CDH8: variants seen among roughly 807,000 people sequenced by gnomAD.
CDH8 encodes cadherin 8.
A neutral mutation model predicts 68.1 loss-of-function variants in CDH8; 17 were observed. The observed-to-expected ratio is 0.25, with a 90% CI of 0.17 to 0.37. The LOEUF is 0.37. CDH8 is among the 10% of genes least tolerant of loss of function. The pLI, the probability that CDH8 is intolerant of heterozygous loss-of-function variation, is 1.00. For missense variants in CDH8, 763 were observed against 999.3 expected, an observed-to-expected ratio of 0.76 and a Z score of 3.19; for synonymous variants, 372 against 365.1, an observed-to-expected ratio of 1.02 and a Z score of -0.21.
intron 8 of CDH8, among the ~76,000 whole-genome samples, chr16:61,767,035 T>C (rs1019484329): frequency 6.6e-6 from 1 of 152,104 alleles, no homozygotes; most frequent in African/African-American, 2.4e-5. Flanking sequence ...ATCAGACATC[T>C]TGCTCTCTTG....
At chr16:61,743,771 C>G (rs1959941491) in intron 8 of CDH8, among the ~76,000 whole-genome samples, 1 of 152,068 alleles carries the variant, frequency 6.6e-6, no homozygotes, top group Non-Finnish European at 1.5e-5. Context: ...TTCTTCTTTT[C>G]TAATGTAGAC....
intron 2 of CDH8, among the ~76,000 whole-genome samples, chr16:62,007,601 C>CA (rs80354314): frequency 0.5 from 76,390 of 151,698 alleles, 20,544 homozygotes; most frequent in East Asian, 0.73. Context: ...AAAGCAAAAA[C>CA]AAAAAAAATC....
chr16:61,664,700 C>A (rs1462996408), intron 10 of CDH8, among the ~76,000 whole-genome samples: 1 of 149,166 alleles, frequency 6.7e-6, no homozygotes, highest in African/African-American at 2.5e-5. Context: ...TAGAAAGAGG[C>A]TTTAGAGAGG....
chr16:61,808,494 G>C (rs9924129), intron 7 of CDH8, among the ~76,000 whole-genome samples: 2,157 of 152,320 alleles, frequency 0.014, 71 homozygotes, highest in African/African-American at 0.049. Context: ...GGCTGAGGAA[G>C]CCAGCTTTTT....
intron 9 of CDH8, among the ~76,000 whole-genome samples, chr16:61,717,773 T>A (rs1006813659): frequency 6.6e-6 from 1 of 151,450 alleles, no homozygotes; most frequent in African/African-American, 2.4e-5. Flanking sequence ...GAATAACATG[T>A]GGCACATGGC....
chr16:62,002,726 A>T (rs2150597826), intron 2 of CDH8, among the ~76,000 whole-genome samples: 1 of 152,342 alleles, frequency 6.6e-6, no homozygotes, highest in East Asian at 1.9e-4. Flanking sequence ...TTTACAATTT[A>T]TCTTAGGTAA....
intron 8 of CDH8, among the ~76,000 whole-genome samples, chr16:61,762,363 CT>C (rs1232546852): frequency 6.6e-6 from 1 of 152,142 alleles, no homozygotes; most frequent in African/African-American, 2.4e-5. Context: ...AATAGAGTCT[CT>C]CTGTATTATT....
At chr16:61,841,013 A>C in intron 4 of CDH8, among the ~76,000 whole-genome samples, 1 of 152,174 alleles carries the variant, frequency 6.6e-6, no homozygotes, top group East Asian at 1.9e-4. Context: ...ATAAAATAAA[A>C]TAATGTAGTC....
chr16:62,009,953 A>T lies in CDH8; in HGVS notation c.252+11199T>A, dbSNP rs573673347. Among the ~76,000 whole-genome samples the T allele has an allele frequency of 3.9e-5, 6 of 152,316 alleles. No individual in the cohort carries two copies. The South Asian group carries it at 1.2e-3, about 32-fold the overall frequency. ...AATATATTTTTAAAATGAGAAAGCA[A>T]AACATCAAGATACTAGGCTAACCCC... On this transcript the variant is annotated intron_variant, in intron 2 of 11. Coordinates refer to ENST00000577390, the MANE Select transcript of CDH8 (RefSeq NM_001796.5).
chr16:61,823,281 T>C (rs1056592968), intron 5 of CDH8, among the ~76,000 whole-genome samples: 1 of 151,812 alleles, frequency 6.6e-6, no homozygotes, highest in Non-Finnish European at 1.5e-5. Context: ...TCTCTCTTTG[T>C]CACTCTCTCC....
chr16:62,015,217 G>T (rs907756866), intron 2 of CDH8, among the ~76,000 whole-genome samples: 3 of 152,074 alleles, frequency 2.0e-5, no homozygotes, highest in Admixed American at 1.3e-4. Context: ...TTTCCCTCAG[G>T]CTATGTGTGT....
chr16:61,979,365 TA>T (rs1415721775), intron 2 of CDH8, among the ~76,000 whole-genome samples: 2 of 152,106 alleles, frequency 1.3e-5, no homozygotes, highest in South Asian at 4.1e-4. Flanking sequence ...ATTAATAAAA[TA>T]AAAAACTTTT....
chr16:61,845,619 G>A (rs1275736431), intron 4 of CDH8, among the ~76,000 whole-genome samples: 2 of 151,176 alleles, frequency 1.3e-5, no homozygotes, highest in African/African-American at 4.9e-5. Flanking sequence ...CCAAATTTCT[G>A]ATCCTCATGG....
At chr16:61,768,353 T>TCTCCCTTTCTCTCG in intron 8 of CDH8, among the ~76,000 whole-genome samples, 2 of 109,432 alleles carry the variant, frequency 1.8e-5, no homozygotes, top group East Asian at 6.2e-4. Flanking sequence ...TCTCTCTCTC[T>TCTCCCTTTCTCTCG]CTCTCTCTCT....
At chr16:61,847,460 G>T (rs1962830839) in intron 4 of CDH8, among the ~76,000 whole-genome samples, 1 of 150,510 alleles carries the variant, frequency 6.6e-6, no homozygotes. Context: ...TCTTACTCAT[G>T]CATCAGAGAC....
At chr16:61,725,160 G>T (rs1283509823) in intron 9 of CDH8, 1 of 150,922 alleles carries the variant, frequency 6.6e-6, no homozygotes, top group Non-Finnish European at 1.5e-5. Context: ...TTCAGAGAAA[G>T]AGTCATTCAT....
chr16:61,833,104 G>A (rs1030274668), intron 4 of CDH8, among the ~76,000 whole-genome samples: 4 of 151,472 alleles, frequency 2.6e-5, no homozygotes, highest in African/African-American at 4.8e-5. Flanking sequence ...TATACAAAAC[G>A]TTATTAATTG....
intron 3 of CDH8, among the ~76,000 whole-genome samples, chr16:61,898,455 C>CATATTG: frequency 6.6e-6 from 1 of 152,116 alleles, no homozygotes; most frequent in African/African-American, 2.4e-5. Context: ...GGTGTATCTA[C>CATATTG]CAAAGTCATA....
chr16:61,874,194 T>C (rs1264611764), intron 3 of CDH8, among the ~76,000 whole-genome samples: 1 of 152,150 alleles, frequency 6.6e-6, no homozygotes, highest in Non-Finnish European at 1.5e-5. Context: ...AAAAAATTTT[T>C]TTAAATAAAA....
Sources: allele counts gnomAD v4.1 joint callset (sites outside exome capture counted in the v4.1 genomes callset), GRCh38; gene constraint gnomAD v4.1.1; transcripts MANE v1.5; gene names NCBI Gene and HGNC (gene_info 2026-07-23, HGNC 2026-07-21).